SPIDR: variants seen among roughly 807,000 people sequenced by gnomAD.
SPIDR encodes DNA repair-scaffolding protein.
SPIDR carries 93 observed loss-of-function variants against 104.6 expected under a neutral mutation model. The ratio of observed to expected loss-of-function variants is 0.89; its 90% CI spans 0.75 to 1.06. The LOEUF is 1.06. Ranked by LOEUF, SPIDR falls within the 50% of genes least tolerant of loss-of-function variation. SPIDR has a pLI of 0.00. For missense variants in SPIDR, 1,154 were observed against 1,111.2 expected (o/e 1.04, Z -0.55); for synonymous variants, 431 against 416.9 (o/e 1.03, Z -0.41).
chr8:47,644,499 G>A, intron 10 of SPIDR, among the ~76,000 whole-genome samples: 1 of 152,156 alleles, frequency 6.6e-6, no homozygotes, highest in African/African-American at 2.4e-5. Context: ...ATAGAGCAAT[G>A]AACAAAACAG....
intron 11 of SPIDR, among the ~76,000 whole-genome samples, chr8:47,685,467 A>T (rs907442819): frequency 6.9e-6 from 1 of 144,278 alleles, no homozygotes; most frequent in Non-Finnish European, 1.5e-5. Context: ...TACCAGTAGG[A>T]GGTCAGTGGT....
intron 1 of SPIDR, among the ~76,000 whole-genome samples, chr8:47,269,991 C>G (rs2034957707): frequency 6.6e-6 from 1 of 151,994 alleles, no homozygotes; most frequent in Non-Finnish European, 1.5e-5. Flanking sequence ...ACTTTGTATT[C>G]CTGGGAAAAA....
At chr8:47,451,783 G>GGAGAA (rs1321701322) in intron 8 of SPIDR, among the ~76,000 whole-genome samples, 1 of 152,158 alleles carries the variant, frequency 6.6e-6, no homozygotes, top group Non-Finnish European at 1.5e-5. Flanking sequence ...AGTACCAGAA[G>GGAGAA]GAGAAGAGAA....
chr8:47,646,359 T>G (rs906581156), intron 10 of SPIDR, among the ~76,000 whole-genome samples: 1 of 152,224 alleles, frequency 6.6e-6, no homozygotes, highest in Non-Finnish European at 1.5e-5. Flanking sequence ...CATGTGTATA[T>G]ACAGATGTGT....
chr8:47,372,532 A>G (rs148225572), intron 5 of SPIDR, among the ~76,000 whole-genome samples: 1 of 152,306 alleles, frequency 6.6e-6, no homozygotes, highest in South Asian at 2.1e-4. Context: ...AAGCTGAGGC[A>G]GGAGAATCGC....
rs1486018357 is a variant in SPIDR at position 47,364,302 on chromosome 8, T to G, written c.526-32074T>G. ...ATGAGTCGATGTTCCTTTGGTCCCT[T>G]CTGTGTCCTTGACCTGTATTCTGCA... On this transcript the variant is annotated intron_variant, in intron 5 of 19. Coordinates refer to ENST00000297423, the MANE Select transcript of SPIDR (RefSeq NM_001080394.4). Among the ~76,000 whole-genome samples the G allele has an allele frequency of 3.3e-5, 5 of 152,174 alleles. No homozygotes were observed. The East Asian group carries it at 9.6e-4, about 29-fold the overall frequency.
chr8:47,735,264 C>T (rs764338860), intron 19 of SPIDR, 43 bp from the exon 20 acceptor site: 1 of 1,594,472 alleles, frequency 6.3e-7, no homozygotes, highest in East Asian at 2.2e-5. Flanking sequence ...AACAGTACGT[C>T]CCAGGCTGTT....
chr8:47,445,662 C>T (rs1360270277), intron 8 of SPIDR, among the ~76,000 whole-genome samples: 1 of 152,280 alleles, frequency 6.6e-6, no homozygotes, highest in East Asian at 1.9e-4. Context: ...AGTTAGGCTT[C>T]TTGTGCCAGT....
chr8:47,345,765 G>A (rs1203421602), intron 5 of SPIDR, among the ~76,000 whole-genome samples: 1 of 150,768 alleles, frequency 6.6e-6, no homozygotes, highest in Non-Finnish European at 1.5e-5. Context: ...CTGTCTGTTT[G>A]TCTCTTATTG....
At chr8:47,587,740 C>CTGT (rs1030390427) in intron 8 of SPIDR, among the ~76,000 whole-genome samples, 1 of 150,636 alleles carries the variant, frequency 6.6e-6, no homozygotes, top group Non-Finnish European at 1.5e-5. Flanking sequence ...CTGGCCTGGG[C>CTGT]AACATAGTGA....
In SPIDR at chr8:47,354,819, T is replaced by G. The variant is rs797029552; in HGVS notation, c.526-41557T>G. 4.6e-4 allele frequency among the ~76,000 whole-genome samples: 70 copies of G among 151,318 alleles called. 1 individual carries two copies. Among genetic ancestry groups the G allele is most frequent in the African/African-American group, 1.6e-3 (64 of 41,168 alleles). On this transcript the variant is annotated intron_variant, in intron 5 of 19. Transcript: ENST00000297423. ...ACCATGCCTGGCTAATTTTGAAATT[T>G]TTTGTAGAGATGGTGGTCTTGCTGT...
At chr8:47,714,879 T>C (rs1300514548) in intron 16 of SPIDR, among the ~76,000 whole-genome samples, 5 of 152,206 alleles carry the variant, frequency 3.3e-5, no homozygotes, top group Admixed American at 3.3e-4. Flanking sequence ...TGGACATCAA[T>C]CTCTACTGAT....
intron 1 of SPIDR, among the ~76,000 whole-genome samples, chr8:47,270,542 T>C (rs1255490354): frequency 4.6e-5 from 7 of 152,130 alleles, no homozygotes; most frequent in African/African-American, 1.7e-4. Context: ...CCCCCAAACC[T>C]CCTTGGTCAG....
chr8:47,333,414 G>T (rs940077185), intron 5 of SPIDR, among the ~76,000 whole-genome samples: 2 of 152,104 alleles, frequency 1.3e-5, no homozygotes, highest in African/African-American at 2.4e-5. Flanking sequence ...CAATTCTCCT[G>T]TCTCAGCCTC....
intron 19 of SPIDR, among the ~76,000 whole-genome samples, chr8:47,734,689 A>G (rs1002694291): frequency 4.6e-5 from 7 of 152,190 alleles, no homozygotes; most frequent in Non-Finnish European, 1.0e-4. Context: ...AGCTTGATCT[A>G]TAATGGGGTG....
chr8:47,577,454 C>T (rs2059250434), intron 8 of SPIDR, among the ~76,000 whole-genome samples: 1 of 152,212 alleles, frequency 6.6e-6, no homozygotes, highest in African/African-American at 2.4e-5. Context: ...ACAGTTGCAT[C>T]TTAAACAACA....
chr8:47,465,423 G>A (rs745794502), intron 8 of SPIDR, among the ~76,000 whole-genome samples: 5 of 152,240 alleles, frequency 3.3e-5, no homozygotes, highest in South Asian at 2.1e-4. Context: ...AGCGTGGCAA[G>A]CTGGATAAAG....
At chr8:47,295,334 T>A (rs1166317763) in intron 5 of SPIDR, among the ~76,000 whole-genome samples, 3 of 152,210 alleles carry the variant, frequency 2.0e-5, no homozygotes, top group South Asian at 2.1e-4. Context: ...CTATAAATTT[T>A]AAAAAATTGT....
At chr8:47,522,898 C>A (rs1478825134) in intron 8 of SPIDR, among the ~76,000 whole-genome samples, 1 of 151,982 alleles carries the variant, frequency 6.6e-6, no homozygotes, top group Non-Finnish European at 1.5e-5. Flanking sequence ...GTTTCTGTCA[C>A]ATTGTTTTGA....
Sources: gnomAD v4.1 joint callset for allele counts (sites outside exome capture counted in the v4.1 genomes callset) on GRCh38, gnomAD v4.1.1 for gene constraint, MANE v1.5 for transcripts, NCBI Gene and HGNC (gene_info 2026-07-23, HGNC 2026-07-21) for gene names.